Variants in DCBLD1 observed in about 807,000 individuals in gnomAD.
DCBLD1 encodes the protein discoidin, CUB and LCCL domain-containing protein 1.
In DCBLD1, 57 loss-of-function variants were observed where a neutral mutation model predicts 71.5. That is an observed-to-expected ratio of 0.80 (90% CI 0.64 to 0.99). The LOEUF is 0.99. Ranked by LOEUF, DCBLD1 falls within the 50% of genes least tolerant of loss-of-function variation. The pLI is 0.00. For synonymous variants in DCBLD1, 380 were observed against 363.8 expected (o/e 1.04, Z -0.51); for missense variants, 891 against 923.5 (o/e 0.96, Z 0.46).
At chr6:117,552,131 T>C (rs1402862789), downstream of DCBLD1, among the ~76,000 whole-genome samples, 3 of 152,142 alleles carry the variant, frequency 2.0e-5, no homozygotes, top group Admixed American at 6.5e-5. Context: ...GTTGTTGTTG[T>C]TGTTTTTTAA....
chr6:117,499,240 C>CAAAAAAAAAAAAAAAAA (rs71012362), intron 1 of DCBLD1, among the ~76,000 whole-genome samples: 1 of 108,756 alleles, frequency 9.2e-6, no homozygotes, highest in African/African-American at 4.3e-5. Flanking sequence ...CCATCTCTAC[C>CAAAAAAAAAAAAAAAAA]AAAAAAAAAA....
In DCBLD1 at chr6:117,569,518, A is replaced by G. The variant is rs537815445; in HGVS notation, c.1616-102A>G. ...TTCGTAGGGAAGTATACAGTGTTCAATAGATTCATAACCAATTGATAGATC... is the reference window on the plus strand; with the variant it reads ...TTCGTAGGGAAGTATACAGTGTTCAGTAGATTCATAACCAATTGATAGATC... On this transcript the variant is annotated intron_variant, in intron 14 of 14. Coordinates refer to the DCBLD1 transcript ENST00000296955. 289 of 1,596,078 alleles carry G rather than the reference A, an allele frequency of 1.8e-4. No individual in the cohort carries two copies. In the African/African-American group the frequency reaches 3.4e-3, roughly 19 times the overall value.
chr6:117,547,854 C>T lies in DCBLD1; in HGVS notation c.1616-53C>T, dbSNP rs550242874. 3.4e-5 allele frequency: 53 copies of T among 1,549,828 alleles called. 1 individual carries two copies. The African/African-American group carries it at 4.2e-4, about 12-fold the overall frequency. On this transcript the variant is annotated intron_variant, in intron 14 of 14. Transcript: ENST00000338728. ...GCAGAGTATCCCCGTCTGCCACTGA[C>T]AGGCCGGCCCGTGTGTGGTGCCCGC...
At chr6:117,497,737 A>G (rs1010175060) in intron 1 of DCBLD1, among the ~76,000 whole-genome samples, 5 of 152,172 alleles carry the variant, frequency 3.3e-5, no homozygotes, top group Non-Finnish European at 7.3e-5. Context: ...TGAATTTTTA[A>G]TGACAGTCCG....
At position 117,558,424 on chromosome 6, in the gene DCBLD1, G is replaced by A. The variant is rs1779523852; in HGVS notation, c.1616-11196G>A. ...TCCTGGAGAGTTCCCCTCTCCATAA[G>A]CTGGATTTTTTCCAATTTAATAATT... On this transcript the variant is annotated intron_variant, in intron 14 of 14. Transcript: ENST00000296955. Among the ~76,000 whole-genome samples, 2 of 152,130 alleles carry A rather than the reference G, an allele frequency of 1.3e-5. 1 individual carries two copies. Among genetic ancestry groups the A allele is most frequent in the Admixed American group, 1.3e-4 (2 of 15,278 alleles).
downstream of DCBLD1, among the ~76,000 whole-genome samples, chr6:117,551,064 C>G (rs999767876): frequency 3.9e-5 from 6 of 152,186 alleles, no homozygotes; most frequent in African/African-American, 1.4e-4. Context: ...CACTACAGAT[C>G]CCCTGTCTCC....
downstream of DCBLD1, among the ~76,000 whole-genome samples, chr6:117,554,786 G>A (rs138799237): frequency 0.036 from 5,403 of 151,922 alleles, 127 homozygotes; most frequent in Non-Finnish European, 0.051. Context: ...CCAGCTACTC[G>A]GCAGGCTGAG....
At chr6:117,523,158 T>C (rs549755702) in intron 4 of DCBLD1, among the ~76,000 whole-genome samples, 1 of 152,308 alleles carries the variant, frequency 6.6e-6, no homozygotes, top group Non-Finnish European at 1.5e-5. Context: ...AAATGGTCAT[T>C]TCCTGTTCTC....
At chr6:117,539,533 A>G (rs1301834215) in intron 9 of DCBLD1, 154 bp downstream of exon 9, 4 of 836,424 alleles carry the variant, frequency 4.8e-6, no homozygotes, top group Non-Finnish European at 6.8e-6. Context: ...TGGGAAGCCA[A>G]GGCAGGAGGA....
At chr6:117,510,320 C>T (rs967794253) in intron 2 of DCBLD1, among the ~76,000 whole-genome samples, 3 of 151,510 alleles carry the variant, frequency 2.0e-5, no homozygotes, top group Admixed American at 6.6e-5. Context: ...TTTTTCTGTC[C>T]CTTCTAACAC....
chr6:117,549,773 T>C lies in DCBLD1; in HGVS notation c.*1334T>C. On this transcript the variant is annotated 3_prime_UTR_variant, in exon 15 of 15. Transcript: ENST00000338728. ...TTACATGGTTTTATGCGCACACTAA[T>C]TGTAATAAACTATGCCAAACCAAAC... 1 of 985,390 alleles carries C rather than the reference T, an allele frequency of 1.0e-6. No homozygotes were observed. Among genetic ancestry groups the C allele is most frequent in the Non-Finnish European group, 1.2e-6 (1 of 829,936 alleles). The allele number at this position is 985,390 out of a possible 1,614,324, so 61.0% of individuals were successfully genotyped here.
rs1271573325 is a variant in DCBLD1, at chr6:117,549,121, C to G, written c.*682C>G. 14 of 985,690 alleles carry G rather than the reference C, an allele frequency of 1.4e-5. No homozygotes were observed. The highest frequency in any genetic ancestry group is 4.7e-5 in the South Asian group (1 of 21,290). The allele number at this position is 985,690 out of a possible 1,614,324, so 61.1% of individuals were successfully genotyped here. Reference sequence around the variant, plus strand: ...CAGCAGCTGCCCGTTTCCTTAGTCTCCACTTCAGAGGGGGATGCGAAGAGG... The same window carrying G: ...CAGCAGCTGCCCGTTTCCTTAGTCTGCACTTCAGAGGGGGATGCGAAGAGG... On this transcript the variant is annotated 3_prime_UTR_variant, in exon 15 of 15. Coordinates refer to ENST00000338728, the MANE Select transcript of DCBLD1 (RefSeq NM_001366458.2).
chr6:117,488,681 C>T (rs73766213), intron 1 of DCBLD1, among the ~76,000 whole-genome samples: 4,912 of 152,178 alleles, frequency 0.032, 244 homozygotes, highest in African/African-American at 0.11. Context: ...TGAAAAGAAC[C>T]GGGAATCTCT....
At chr6:117,529,258 T>G (rs1223973978) in intron 5 of DCBLD1, among the ~76,000 whole-genome samples, 1 of 146,504 alleles carries the variant, frequency 6.8e-6, no homozygotes, top group Non-Finnish European at 1.5e-5. Flanking sequence ...AAATCAGGTT[T>G]CTAATTTGCC....
intron 1 of DCBLD1, among the ~76,000 whole-genome samples, chr6:117,497,013 C>T (rs1013871329): frequency 2.0e-5 from 3 of 152,186 alleles, no homozygotes; most frequent in African/African-American, 7.2e-5. Flanking sequence ...ACTCTAAGGA[C>T]TAGTTAATAA....
intron 13 of DCBLD1, 138 bp from the exon 14 acceptor site, chr6:117,545,340 A>G (rs987675513): frequency 2.6e-6 from 3 of 1,156,626 alleles, no homozygotes; most frequent in Non-Finnish European, 3.7e-6. Flanking sequence ...TGTTCTTAGC[A>G]CACACACCTG....
At chr6:117,544,803 A>G (rs1779211855) in intron 13 of DCBLD1, among the ~76,000 whole-genome samples, 1 of 151,772 alleles carries the variant, frequency 6.6e-6, no homozygotes, top group Non-Finnish European at 1.5e-5. Flanking sequence ...TCATTTGTCA[A>G]CATCCTTTTT....
intron 2 of DCBLD1, among the ~76,000 whole-genome samples, chr6:117,510,456 T>C (rs1478685824): frequency 6.6e-6 from 1 of 152,168 alleles, no homozygotes; most frequent in East Asian, 1.9e-4. Flanking sequence ...CATCAGTTTG[T>C]CCCTTTTCTG....
At chr6:117,500,728 G>T (rs190161946) in intron 1 of DCBLD1, among the ~76,000 whole-genome samples, 8 of 152,092 alleles carry the variant, frequency 5.3e-5, no homozygotes, top group African/African-American at 1.9e-4. Flanking sequence ...TTAGCCGTAC[G>T]TAAATGCACC....
Sources: gnomAD v4.1 joint callset for allele counts (sites outside exome capture counted in the v4.1 genomes callset) on GRCh38, gnomAD v4.1.1 for gene constraint, MANE v1.5 for transcripts, NCBI Gene and HGNC (gene_info 2026-07-23, HGNC 2026-07-21) for gene names.